FAM177B: variants seen among roughly 807,000 people sequenced by gnomAD.
The protein encoded by FAM177B is protein FAM177B.
FAM177B carries 16 observed loss-of-function variants against 16.1 expected under a neutral mutation model. The observed-to-expected ratio is 0.99, with a 90% CI of 0.67 to 1.51. The LOEUF (loss-of-function observed/expected upper bound fraction) is 1.51. Among genes scored for constraint, FAM177B ranks in the 40% most tolerant of loss-of-function variants. The pLI is 0.00. For missense variants in FAM177B, 178 were observed against 183.7 expected (o/e 0.97, Z 0.18); for synonymous variants, 56 against 59.9 (o/e 0.93, Z 0.30).
chr1:222,749,740 C>T (rs1432293120), intron 5 of FAM177B, among the ~76,000 whole-genome samples, 178 bp downstream of exon 5: 1 of 152,204 alleles, frequency 6.6e-6, no homozygotes, highest in Non-Finnish European at 1.5e-5. Flanking sequence ...CACTTCTTCA[C>T]ATTTGCCTCA....
At position 222,738,002 on chromosome 1, in the gene FAM177B, AG is replaced by A. The variant is rs1331701536; in HGVS notation, c.-33del. 2.0e-5 allele frequency: 3 copies of A among 152,214 alleles called. No individual in the cohort carries two copies. The highest frequency in any genetic ancestry group is 7.2e-5 in the African/African-American group (3 of 41,428). The allele number at this position is 152,214 out of a possible 1,614,324, so 9.4% of individuals were successfully genotyped here. On this transcript the variant is annotated 5_prime_UTR_variant, in exon 2 of 6. An upstream open reading frame in the 5' UTR loses its in-frame stop. Transcript: ENST00000445590. ...AGAGTTGCCATTTATTGAGATGAGAAGGCTGCCAGAAGAGTAGAGGTAAATG... is the reference window on the plus strand; with the variant it reads ...AGAGTTGCCATTTATTGAGATGAGAAGCTGCCAGAAGAGTAGAGGTAAATG...
At chr1:222,747,113 C>T in intron 4 of FAM177B, 32 bp downstream of exon 4, 2 of 1,432,852 alleles carry the variant, frequency 1.4e-6, no homozygotes, top group Non-Finnish European at 2.0e-6. Context: ...TTTTTCTATC[C>T]TAAACAAATA....
At chr1:222,747,186 C>A in intron 4 of FAM177B, 105 bp downstream of exon 4, 2 of 793,262 alleles carry the variant, frequency 2.5e-6, no homozygotes, top group Non-Finnish European at 4.4e-6. Context: ...TCCATCGCAT[C>A]CTGAATAAGT....
Position 222,749,994 on chromosome 1 carries a change from T to C in FAM177B, c.413T>C (p.Leu138Ser), listed in dbSNP as rs750020303. ...GAGGTTCCTAATGAAAAGTGTCACT[T>C]GGAGGCTGGGGTCCAAGAGTATGGA... ...AAEVPNEKCH[L>S]EAGVQEYGTI... is the part of the protein sequence containing the mutation. The change falls in exon 6 of 6, where the codon TTG (leucine) becomes TCG (serine). Residue 138 changes from leucine (L) to serine (S), a missense_variant. Transcript: ENST00000445590. 1.7e-5 allele frequency: 28 copies of C among 1,613,856 alleles called. No individual in the cohort carries two copies. Among genetic ancestry groups the C allele is most frequent in the Non-Finnish European group, 2.2e-5 (26 of 1,179,902 alleles).
intron 4 of FAM177B, among the ~76,000 whole-genome samples, chr1:222,748,696 CA>C (rs1490181018): frequency 8.6e-5 from 13 of 152,046 alleles, no homozygotes; most frequent in African/African-American, 3.1e-4. Flanking sequence ...ATGTACTAGG[CA>C]GTGCAGCAAA....
intron 2 of FAM177B, among the ~76,000 whole-genome samples, chr1:222,742,153 T>C (rs1369905164): frequency 6.6e-6 from 1 of 152,070 alleles, no homozygotes; most frequent in Non-Finnish European, 1.5e-5. Flanking sequence ...CTTTCTCATC[T>C]ATCCTTTATA....
intron 2 of FAM177B, among the ~76,000 whole-genome samples, chr1:222,742,807 ATT>A (rs34273035): frequency 6.6e-6 from 1 of 151,362 alleles, no homozygotes; most frequent in African/African-American, 2.4e-5. Flanking sequence ...ATGCGACGAT[ATT>A]TTTTTTTTCT....
intron 2 of FAM177B, among the ~76,000 whole-genome samples, chr1:222,741,635 C>A (rs1658537438): frequency 6.6e-6 from 1 of 151,820 alleles, no homozygotes; most frequent in South Asian, 2.1e-4. Context: ...CAGACTCAAG[C>A]AAGTCTGTCA....
chr1:222,740,225 T>A (rs1304413500), intron 2 of FAM177B, among the ~76,000 whole-genome samples: 1 of 152,210 alleles, frequency 6.6e-6, no homozygotes, highest in Non-Finnish European at 1.5e-5. Context: ...GGTGATTTAT[T>A]TTTATATATA....
At chr1:222,741,277 T>C (rs1658521609) in intron 2 of FAM177B, among the ~76,000 whole-genome samples, 1 of 151,902 alleles carries the variant, frequency 6.6e-6, no homozygotes, top group Non-Finnish European at 1.5e-5. Context: ...TTGGCCAGGA[T>C]GATATTGAAC....
intron 2 of FAM177B, among the ~76,000 whole-genome samples, chr1:222,742,063 CTG>C (rs1658578239): frequency 6.6e-6 from 1 of 151,632 alleles, no homozygotes; most frequent in South Asian, 2.1e-4. Flanking sequence ...ACCTCAACCT[CTG>C]TAACTGCTAG....
In FAM177B at chr1:222,750,586, A is replaced by C; in HGVS notation, c.*528A>C. On this transcript the variant is annotated 3_prime_UTR_variant, in exon 6 of 6. Coordinates refer to ENST00000445590, the MANE Select transcript of FAM177B (RefSeq NM_001394345.1). ...AAACATTGCTAATAACTGTGTTACA[A>C]GATCATTATCAAGATCTTTAAGAAT... 3 of 959,560 alleles carry C rather than the reference A, an allele frequency of 3.1e-6. No individual in the cohort carries two copies. Among genetic ancestry groups the C allele is most frequent in the Non-Finnish European group, 3.7e-6 (3 of 806,416 alleles). 59.4% of individuals were successfully genotyped at this position (959,560 alleles called of 1,614,324 possible). A position where few individuals can be genotyped will look rare whatever the true frequency, so the allele number is the denominator to read the frequency against.
chr1:222,750,100 A>T lies in FAM177B; in HGVS notation c.*42A>T. ...AGGGTCTGGTGGCAGATCCTAGCTC[A>T]TGATGGCAGCAAAGACTGCAGTTTC... is the stretch of plus-strand genomic sequence containing the variant. On this transcript the variant is annotated 3_prime_UTR_variant, in exon 6 of 6. Transcript: ENST00000445590. 1.3e-6 allele frequency: 2 copies of T among 1,595,098 alleles called. No homozygotes were observed. Among genetic ancestry groups the T allele is most frequent in the Non-Finnish European group, 1.7e-6 (2 of 1,172,700 alleles).
Position 222,744,512 on chromosome 1 carries a change from T to C in FAM177B, c.-15-2019T>C, listed in dbSNP as rs551241346. ...AAAGGCAAAAATACATGTGTACGTA[T>C]CCTTACAACATTGGAATACTGCCTG... On this transcript the variant is annotated intron_variant, in intron 2 of 5. Coordinates refer to ENST00000445590, the MANE Select transcript of FAM177B (RefSeq NM_001394345.1). 1.5e-4 allele frequency among the ~76,000 whole-genome samples: 23 copies of C among 151,418 alleles called. 1 individual carries two copies. Among genetic ancestry groups the C allele is most frequent in the Admixed American group, 8.5e-4 (13 of 15,210 alleles).
intron 3 of FAM177B, 55 bp from the exon 4 acceptor site, chr1:222,746,960 C>A: frequency 8.5e-7 from 1 of 1,173,652 alleles, no homozygotes; most frequent in East Asian, 2.3e-5. Flanking sequence ...TAAAACAAAT[C>A]TGCAGTCACC....
At chr1:222,744,472 CAAA>C (rs763596466) in intron 2 of FAM177B, among the ~76,000 whole-genome samples, 13 of 82,470 alleles carry the variant, frequency 1.6e-4, no homozygotes, top group Admixed American at 2.7e-4. Context: ...AACTCCATCT[CAAA>C]AAAAAAAAAA....
intron 4 of FAM177B, 41 bp downstream of exon 4, chr1:222,747,122 T>A: frequency 7.4e-7 from 1 of 1,346,826 alleles, no homozygotes; most frequent in Non-Finnish European, 1.1e-6. Flanking sequence ...CCTAAACAAA[T>A]ATATATATCG....
rs375403559 is a variant in FAM177B at position 222,747,058 on chromosome 1, G to C, written c.218G>C (p.Arg73Pro). Residue 73 changes from arginine to proline, a missense_variant, in exon 4 of 6, where the codon CGA becomes CCA. By Grantham distance (103) the Arg-to-Pro change is moderately radical. Transcript: ENST00000445590. ...CCCTACCTACGATTTTGGGCAGGAC[G>C]AATAGCAAGCACCTCATTTTCTAGT... ...WGPYLRFWAGRIASTSFSTCE... is the reference protein window; with the variant it reads ...WGPYLRFWAGPIASTSFSTCE... 2 of 1,611,360 alleles carry C rather than the reference G, an allele frequency of 1.2e-6. No homozygotes were observed. Among genetic ancestry groups the C allele is most frequent in the Non-Finnish European group, 1.7e-6 (2 of 1,177,734 alleles).
At chr1:222,749,703 A>T in intron 5 of FAM177B, 141 bp downstream of exon 5, 1 of 742,990 alleles carries the variant, frequency 1.3e-6, no homozygotes, top group Non-Finnish European at 2.3e-6. Flanking sequence ...AGACTGACTT[A>T]TTTTTCTAGT....
Sources: allele counts gnomAD v4.1 joint callset (sites outside exome capture counted in the v4.1 genomes callset), GRCh38; gene constraint gnomAD v4.1.1; transcripts MANE v1.5; gene names NCBI Gene and HGNC (gene_info 2026-07-23, HGNC 2026-07-21).